Variants in MTA2 observed in about 807,000 individuals in gnomAD.
MTA2 encodes the protein metastasis-associated protein MTA2.
A neutral mutation model predicts 87.1 loss-of-function variants in MTA2; 22 were observed. The ratio of observed to expected loss-of-function variants is 0.25; its 90% CI spans 0.18 to 0.36. The LOEUF is 0.36. Among genes scored for constraint, MTA2 ranks in the 10% least tolerant of loss-of-function variants. The pLI is 1.00. For synonymous variants in MTA2, 314 were observed against 310.1 expected (o/e 1.01, Z -0.13); for missense variants, 542 against 853.2 (o/e 0.64, Z 4.54).
At position 62,593,931 on chromosome 11, in the gene MTA2, G is replaced by A; in HGVS notation, c.1951C>T (p.Leu651=). The A allele has an allele frequency of 6.2e-7, 1 of 1,614,206 alleles. No homozygotes were observed. Among genetic ancestry groups the A allele is most frequent in the East Asian group, 2.2e-5 (1 of 44,878 alleles). Residue 651 remains leucine, a synonymous_variant, in exon 18 of 18, where the codon CTA becomes TTA. Coordinates refer to ENST00000278823, the MANE Select transcript of MTA2 (RefSeq NM_004739.4). ...CTGGCAGGATGTGAGGGTGCAGGTA[G>A]AGGGACAGGGGGCCGCACTGCAATC... is the stretch of plus-strand genomic sequence containing the variant. ...TLIAVRPPVP[L]PAPSHPASTN...
In MTA2 at chr11:62,595,086, G is replaced by T; in HGVS notation, c.1484-16C>A. 1.2e-6 allele frequency: 2 copies of T among 1,613,048 alleles called. No homozygotes were observed. Among genetic ancestry groups the T allele is most frequent in the Non-Finnish European group, 1.7e-6 (2 of 1,179,402 alleles). On this transcript the variant is annotated splice_polypyrimidine_tract_variant and intron_variant, in intron 14 of 17. Transcript: ENST00000278823. This position sits in a 1 kb window ranked among gnomAD's most constrained non-coding sequence, Gnocchi z 4.9. ...CGAATGGAGCCTGGAGAACAAAGAAGAAAGCTTCTGAAGGGCTTCACCATT... is the reference window on the plus strand; with the variant it reads ...CGAATGGAGCCTGGAGAACAAAGAATAAAGCTTCTGAAGGGCTTCACCATT...
chr11:62,595,993 G>A lies in MTA2; in HGVS notation c.1114+17C>T, dbSNP rs781691617. On this transcript the variant is annotated intron_variant, in intron 12 of 17. Transcript: ENST00000278823. The surrounding 1 kb of genome is among the most constrained non-coding windows in gnomAD (Gnocchi z 4.9). ...CCTTCCACCCATCCCCACCATCCCA[G>A]TGCCCCCGTAACTCACTGTGGCAAC... 6.2e-7 allele frequency: 1 copy of A among 1,613,940 alleles called. No individual in the cohort carries two copies. The highest frequency in any genetic ancestry group is 8.5e-7 in the Non-Finnish European group (1 of 1,179,864).
Position 62,595,783 on chromosome 11 carries a change from G to T in MTA2, c.1223C>A (p.Thr408Asn). The T allele has an allele frequency of 1.2e-6, 2 of 1,614,196 alleles. No individual in the cohort carries two copies. Among genetic ancestry groups the T allele is most frequent in the Non-Finnish European group, 1.7e-6 (2 of 1,180,044 alleles). ...WKKYGGLKTPTQLEGATRGTT... is the reference protein window; with the variant it reads ...WKKYGGLKTPNQLEGATRGTT... ...GCCCCGAGTGGCCCCCTCAAGCTGAGTTGGGGTCTTCAGTCCCCCATACTT... is the reference window on the plus strand; with the variant it reads ...GCCCCGAGTGGCCCCCTCAAGCTGATTTGGGGTCTTCAGTCCCCCATACTT... The change falls in exon 13 of 18, where the codon ACT becomes AAT. Residue 408 changes from threonine (T) to asparagine (N), a missense_variant. By Grantham distance (65) the Thr-to-Asn change is moderately conservative (BLOSUM62 0). Coordinates refer to ENST00000278823, the MANE Select transcript of MTA2 (RefSeq NM_004739.4). The surrounding 1 kb of genome is among the most constrained non-coding windows in gnomAD (Gnocchi z 4.9).
At position 62,593,808 on chromosome 11, in the gene MTA2, AG is replaced by A; in HGVS notation, c.*66del. 6.3e-7 allele frequency: 1 copy of A among 1,579,828 alleles called. No homozygotes were observed. Among genetic ancestry groups the A allele is most frequent in the Non-Finnish European group, 8.7e-7 (1 of 1,152,832 alleles). ...CTCACTCCCTTCGACACGAAAGGGA[AG>A]GGAGGTTTGGGTGCCCTGGGCATCC... is the stretch of plus-strand genomic sequence containing the variant. On this transcript the variant is annotated 3_prime_UTR_variant, in exon 18 of 18. Coordinates refer to ENST00000278823, the MANE Select transcript of MTA2 (RefSeq NM_004739.4).
chr11:62,596,357 A>G lies in MTA2; in HGVS notation c.958-20T>C. On this transcript the variant is annotated intron_variant, in intron 10 of 17. Transcript: ENST00000278823. ...CCTTTTCTGTAAGAAGGTAAAAAGA[A>G]AGAGAAGGATCAGAGCCTCATAGCA... 1.2e-6 allele frequency: 2 copies of G among 1,614,106 alleles called. No homozygotes were observed. Among genetic ancestry groups the G allele is most frequent in the Non-Finnish European group, 1.7e-6 (2 of 1,179,996 alleles).
intron 7 of MTA2, 41 bp from the exon 8 acceptor site, chr11:62,597,456 A>T: frequency 6.3e-7 from 1 of 1,586,498 alleles, no homozygotes; most frequent in Non-Finnish European, 8.6e-7. Flanking sequence ...AAGAAAAGTC[A>T]AAAGCCCAAG....
intron 3 of MTA2, chr11:62,599,343 G>A (rs1402141741): frequency 6.6e-6 from 1 of 152,446 alleles, no homozygotes; most frequent in Admixed American, 6.5e-5. Context: ...TCGCTTGTGT[G>A]CTCCGGAAAC....
intron 8 of MTA2, 78 bp from the exon 9 acceptor site, chr11:62,596,903 CTCCCGGCCGG>C: frequency 1.4e-6 from 2 of 1,462,124 alleles, no homozygotes; most frequent in South Asian, 2.7e-5. Context: ...AACACTCCCA[CTCCCGGCCGG>C]GCGCGGTGGC....
chr11:62,594,729 G>A, intron 15 of MTA2, 95 bp from the exon 16 acceptor site: 1 of 1,198,438 alleles, frequency 8.3e-7, no homozygotes, highest in Non-Finnish European at 1.2e-6. Flanking sequence ...GTTTACCTGG[G>A]CATCCCCAAA....
chr11:62,599,681 G>A (rs1319684093), intron 3 of MTA2, among the ~76,000 whole-genome samples: 1 of 151,366 alleles, frequency 6.6e-6, no homozygotes, highest in Non-Finnish European at 1.5e-5. Flanking sequence ...GAGGGGGGCG[G>A]GCGGGGAAAT....
At chr11:62,599,501 G>A (rs1351656553) in intron 3 of MTA2, among the ~76,000 whole-genome samples, 1 of 151,952 alleles carries the variant, frequency 6.6e-6, no homozygotes, top group African/African-American at 2.4e-5. Context: ...CTCACCCAGA[G>A]CAGTCTGAAA....
In MTA2 at chr11:62,595,752, C is replaced by T. The variant is rs150945923; in HGVS notation, c.1254G>A (p.Thr418=). 1 of 1,613,990 alleles carries T rather than the reference C, an allele frequency of 6.2e-7. No homozygotes were observed. Among genetic ancestry groups the T allele is most frequent in the African/African-American group, 1.3e-5 (1 of 74,910 alleles). The change falls in exon 13 of 18, where the codon ACG becomes ACA. Residue 418 remains threonine, a splice_region_variant and synonymous_variant. Coordinates refer to ENST00000278823, the MANE Select transcript of MTA2 (RefSeq NM_004739.4). The surrounding 1 kb of genome is among the most constrained non-coding windows in gnomAD (Gnocchi z 4.9). Reference sequence around the variant, plus strand: ...TGCTTTTCTTCCCACTGATCCTTACCGTGGTGCCCCGAGTGGCCCCCTCAA... The same window carrying T: ...TGCTTTTCTTCCCACTGATCCTTACTGTGGTGCCCCGAGTGGCCCCCTCAA... ...TQLEGATRGT[T]EPHSRGHLSR...
intron 17 of MTA2, 39 bp downstream of exon 17, chr11:62,594,220 G>A: frequency 1.2e-6 from 2 of 1,612,864 alleles, no homozygotes; most frequent in African/African-American, 2.7e-5. Context: ...CACCAGCCTG[G>A]ACTGTCCCTC....
chr11:62,594,197 T>C (rs1942064322), intron 17 of MTA2, 62 bp downstream of exon 17: 1 of 1,601,960 alleles, frequency 6.2e-7, no homozygotes, highest in Non-Finnish European at 8.5e-7. Context: ...CTGATACTCC[T>C]ACTCCCCACA....
chr11:62,598,725 C>T, intron 3 of MTA2, 86 bp from the exon 4 acceptor site: 1 of 1,218,598 alleles, frequency 8.2e-7, no homozygotes, highest in South Asian at 1.3e-5. Context: ...GAAAATATTT[C>T]CTATCTTGGC....
At chr11:62,601,164 T>A in intron 1 of MTA2, 1 of 515,640 alleles carries the variant, frequency 1.9e-6, no homozygotes, top group African/African-American at 2.1e-5. Context: ...CGAAGGCCAC[T>A]CCGTGCCCCG....
rs763802339 is a variant in MTA2, at chr11:62,594,297, G to A, written c.1803C>T (p.Ala601=). 29 of 1,614,142 alleles carry A rather than the reference G, an allele frequency of 1.8e-5. No individual in the cohort carries two copies. Among genetic ancestry groups the A allele is most frequent in the Non-Finnish European group, 2.5e-5 (29 of 1,180,030 alleles). Reference sequence around the variant, plus strand: ...TGGCCACAAACACCACAGGATTGGGGGCATCAGCTGGGTTTAGTTTCTGAC... The same window carrying A: ...TGGCCACAAACACCACAGGATTGGGAGCATCAGCTGGGTTTAGTTTCTGAC... ...AKRQKLNPAD[A]PNPVVFVATK... Residue 601 remains alanine, a synonymous_variant, in exon 17 of 18, where the codon GCC becomes GCT. Coordinates refer to ENST00000278823, the MANE Select transcript of MTA2 (RefSeq NM_004739.4).
At chr11:62,599,914 C>A (rs546729623) in intron 3 of MTA2, among the ~76,000 whole-genome samples, 7 of 152,176 alleles carry the variant, frequency 4.6e-5, no homozygotes, top group Non-Finnish European at 1.0e-4. Flanking sequence ...AAAGCTCGTC[C>A]TCATACTCTA....
chr11:62,600,599 GA>G, intron 2 of MTA2, 22 bp downstream of exon 2: 1 of 1,607,874 alleles, frequency 6.2e-7, no homozygotes, highest in Non-Finnish European at 8.5e-7. Context: ...GGGAGGGAGG[GA>G]GAGGGATTCT....
Sources: allele counts gnomAD v4.1 joint callset (sites outside exome capture counted in the v4.1 genomes callset), GRCh38; gene constraint gnomAD v4.1.1; non-coding constraint Gnocchi (gnomAD v3.1); transcripts MANE v1.5; gene names NCBI Gene and HGNC (gene_info 2026-07-23, HGNC 2026-07-21).